Variants in PLPPR1 observed in about 807,000 individuals in gnomAD.
The protein encoded by PLPPR1 is phospholipid phosphatase related 1, also known as phospholipid phosphatase-related protein type 1.
PLPPR1 carries 10 observed loss-of-function variants against 33.1 expected under a neutral mutation model. The observed-to-expected ratio is 0.30, with a 90% CI of 0.19 to 0.51. The LOEUF (loss-of-function observed/expected upper bound fraction) is 0.51. PLPPR1 is among the 20% of genes least tolerant of loss of function. The probability of loss-of-function intolerance (pLI) is 0.97; values close to 1 mark genes in which losing one functional copy is unlikely to be tolerated. For missense variants in PLPPR1, 304 were observed against 408.1 expected (o/e 0.74, Z 2.20); for synonymous variants, 151 against 151.0 (o/e 1.00, Z 0.00).
intron 2 of PLPPR1, among the ~76,000 whole-genome samples, chr9:101,212,228 A>T (rs1010414593): frequency 2.6e-5 from 4 of 151,984 alleles, no homozygotes; most frequent in African/African-American, 9.7e-5. Flanking sequence ...GATTACAGAC[A>T]TGTGCCACCA....
At chr9:101,237,271 A>G (rs1415780985) in intron 2 of PLPPR1, among the ~76,000 whole-genome samples, 1 of 151,848 alleles carries the variant, frequency 6.6e-6, no homozygotes, top group Non-Finnish European at 1.5e-5. Context: ...AGATTTCCCA[A>G]TAGAACTGAA....
chr9:101,207,747 AG>A (rs1826616887), intron 2 of PLPPR1, among the ~76,000 whole-genome samples: 1 of 152,200 alleles, frequency 6.6e-6, no homozygotes, highest in South Asian at 2.1e-4. Flanking sequence ...CAAGAATTAG[AG>A]GAAGAAGAAT....
intron 4 of PLPPR1, among the ~76,000 whole-genome samples, chr9:101,306,184 A>G (rs1270492332): frequency 6.6e-6 from 1 of 152,180 alleles, no homozygotes; most frequent in Non-Finnish European, 1.5e-5. Context: ...CTGTGGTGCC[A>G]AGCTGGATGT....
At chr9:101,288,266 G>C (rs981540504) in intron 4 of PLPPR1, among the ~76,000 whole-genome samples, 1 of 152,054 alleles carries the variant, frequency 6.6e-6, no homozygotes, top group African/African-American at 2.4e-5. Context: ...GAGAGGCATG[G>C]TTCAGAAAGA....
At chr9:101,291,292 G>C (rs1487921495) in intron 4 of PLPPR1, among the ~76,000 whole-genome samples, 2 of 152,198 alleles carry the variant, frequency 1.3e-5, no homozygotes, top group South Asian at 2.1e-4. Context: ...CGGGAAGCTC[G>C]AACTGGGTGG....
At chr9:101,070,406 A>G (rs1199212941) in intron 1 of PLPPR1, among the ~76,000 whole-genome samples, 2 of 151,998 alleles carry the variant, frequency 1.3e-5, no homozygotes, top group Non-Finnish European at 2.9e-5. Flanking sequence ...ACATATTCCT[A>G]TCATAGGGAA....
chr9:101,291,612 A>T (rs1828510446), intron 4 of PLPPR1, among the ~76,000 whole-genome samples: 1 of 152,202 alleles, frequency 6.6e-6, no homozygotes, highest in Non-Finnish European at 1.5e-5. Flanking sequence ...GAATGATCAG[A>T]CAGCAGCATT....
At chr9:101,032,115 G>A (rs1183370280) in intron 1 of PLPPR1, among the ~76,000 whole-genome samples, 3 of 152,154 alleles carry the variant, frequency 2.0e-5, no homozygotes, top group Admixed American at 6.5e-5. Flanking sequence ...TGGCTGTAGC[G>A]ACAGATATGG....
At chr9:101,150,908 C>A (rs775031842) in intron 1 of PLPPR1, among the ~76,000 whole-genome samples, 6 of 152,068 alleles carry the variant, frequency 3.9e-5, no homozygotes, top group Non-Finnish European at 7.4e-5. Flanking sequence ...TCGGTGCAGT[C>A]TGCTTTCTAC....
intron 4 of PLPPR1, among the ~76,000 whole-genome samples, chr9:101,291,459 G>C (rs1246992084): frequency 6.6e-6 from 1 of 152,224 alleles, no homozygotes; most frequent in Admixed American, 6.5e-5. Flanking sequence ...CACGCAGCTG[G>C]AGATCTGAGA....
intron 1 of PLPPR1, among the ~76,000 whole-genome samples, chr9:101,169,178 GTGTGTGTC>G (rs1370049132): frequency 1.3e-5 from 2 of 152,100 alleles, no homozygotes; most frequent in Non-Finnish European, 2.9e-5. Flanking sequence ...CTTTTGGGGT[GTGTGTGTC>G]TGTGTGTCTG....
At chr9:101,074,441 C>T (rs911729736) in intron 1 of PLPPR1, among the ~76,000 whole-genome samples, 1 of 152,084 alleles carries the variant, frequency 6.6e-6, no homozygotes. Context: ...ACTTGTTTTG[C>T]CACATTACAT....
chr9:101,232,741 ACTACCTTGC>A (rs1383824210), intron 2 of PLPPR1, among the ~76,000 whole-genome samples: 1 of 151,870 alleles, frequency 6.6e-6, no homozygotes, highest in African/African-American at 2.4e-5. Flanking sequence ...CAACCCCATC[ACTACCTTGC>A]CCTAGCTATG....
intron 3 of PLPPR1, among the ~76,000 whole-genome samples, chr9:101,273,712 G>T (rs983800303): frequency 1.3e-5 from 2 of 152,240 alleles, no homozygotes; most frequent in East Asian, 3.9e-4. Context: ...TTTCTGAATG[G>T]TAATGTTAGT....
chr9:101,160,536 A>C (rs1236792614), intron 1 of PLPPR1, among the ~76,000 whole-genome samples: 1 of 152,174 alleles, frequency 6.6e-6, no homozygotes, highest in Non-Finnish European at 1.5e-5. Flanking sequence ...AAAAATAAAG[A>C]CTATATATTC....
intron 2 of PLPPR1, among the ~76,000 whole-genome samples, chr9:101,263,994 A>T (rs1458291677): frequency 6.6e-6 from 1 of 151,914 alleles, no homozygotes; most frequent in Non-Finnish European, 1.5e-5. Flanking sequence ...CAGGGGGTCA[A>T]ACTTATTTCT....
At chr9:101,164,340 A>G (rs1825817492) in intron 1 of PLPPR1, among the ~76,000 whole-genome samples, 1 of 149,944 alleles carries the variant, frequency 6.7e-6, no homozygotes. Context: ...AATGCTATTT[A>G]AATTTTGCTA....
intron 1 of PLPPR1, among the ~76,000 whole-genome samples, chr9:101,180,163 TACACACACACACAG>T (rs1564167656): frequency 8.0e-5 from 7 of 87,602 alleles, no homozygotes; most frequent in African/African-American, 1.6e-4. Context: ...CACACACACA[TACACACACACACAG>T]ACACACACAT....
At chr9:101,238,365 G>A (rs1423343535) in intron 2 of PLPPR1, among the ~76,000 whole-genome samples, 5 of 107,242 alleles carry the variant, frequency 4.7e-5, no homozygotes, top group Non-Finnish European at 7.6e-5. Context: ...ATATATATAT[G>A]GGTATATATA....
Sources: gnomAD v4.1 joint callset for allele counts (sites outside exome capture counted in the v4.1 genomes callset) on GRCh38, gnomAD v4.1.1 for gene constraint, MANE v1.5 for transcripts, NCBI Gene and HGNC (gene_info 2026-07-23, HGNC 2026-07-21) for gene names.